MEGF11: variants seen among roughly 807,000 people sequenced by gnomAD.
MEGF11 encodes multiple EGF like domains 11.
MEGF11 carries 126 observed loss-of-function variants against 146.6 expected under a neutral mutation model. The observed-to-expected ratio is 0.86, with a 90% CI of 0.74 to 1.00. MEGF11 has a LOEUF of 1.00. Ranked by LOEUF, MEGF11 falls within the 50% of genes least tolerant of loss-of-function variation. The probability of loss-of-function intolerance (pLI) is 0.00; values close to 1 mark genes in which losing one functional copy is unlikely to be tolerated. For synonymous variants in MEGF11, 532 were observed against 583.4 expected, an observed-to-expected ratio of 0.91 and a Z score of 1.27; for missense variants, 1,509 against 1,521.2, an observed-to-expected ratio of 0.99 and a Z score of 0.13.
At chr15:65,965,784 A>C (rs142637091) in intron 8 of MEGF11, among the ~76,000 whole-genome samples, 18 of 151,488 alleles carry the variant, frequency 1.2e-4, no homozygotes, top group African/African-American at 4.4e-4. Context: ...ATTGTTTATA[A>C]ATTACTCAGT....
chr15:65,950,270 G>A (rs982487252), intron 10 of MEGF11, among the ~76,000 whole-genome samples: 2 of 152,196 alleles, frequency 1.3e-5, no homozygotes, highest in African/African-American at 4.8e-5. Flanking sequence ...ACAAGGCTAT[G>A]TTATTATTCC....
rs371093015 is a variant in MEGF11, at chr15:66,032,414, G to A, written c.395-49926C>T. On this transcript the variant is annotated intron_variant, in intron 5 of 25. Transcript: ENST00000395614. ...GGGTAGAAGCAGGAACAGTTCTGAA[G>A]TGAATGCTGGAAAAAGTCTGCATTG... Among the ~76,000 whole-genome samples, 20 of 152,372 alleles carry A rather than the reference G, an allele frequency of 1.3e-4. No homozygotes were observed. The East Asian group carries it at 3.5e-3, about 26-fold the overall frequency.
At chr15:65,950,039 C>T (rs1444969790) in intron 10 of MEGF11, among the ~76,000 whole-genome samples, 2 of 152,134 alleles carry the variant, frequency 1.3e-5, no homozygotes, top group Admixed American at 6.5e-5. Context: ...TTCTCTCACC[C>T]CCATTTCCAC....
chr15:66,060,529 C>T (rs1301557712), intron 5 of MEGF11, among the ~76,000 whole-genome samples: 1 of 152,244 alleles, frequency 6.6e-6, no homozygotes, highest in Non-Finnish European at 1.5e-5. Context: ...TCTGCAGTAC[C>T]TGTTGGAACT....
chr15:66,044,850 CAAAAAAAAAAAAAAA>C (rs140901440), intron 5 of MEGF11, among the ~76,000 whole-genome samples: 7 of 90,714 alleles, frequency 7.7e-5, no homozygotes, highest in African/African-American at 3.0e-4. Flanking sequence ...GACCTTATCT[CAAAAAAAAAAAAAAA>C]AAAAAAAAAA....
chr15:66,031,492 T>C (rs1443044294), intron 5 of MEGF11, among the ~76,000 whole-genome samples: 1 of 152,152 alleles, frequency 6.6e-6, no homozygotes, highest in Non-Finnish European at 1.5e-5. Context: ...CAGCACCAGA[T>C]CAGAGGTGGA....
intron 1 of MEGF11, among the ~76,000 whole-genome samples, chr15:66,199,552 C>T (rs1236007243): frequency 6.6e-6 from 1 of 152,172 alleles, no homozygotes; most frequent in Non-Finnish European, 1.5e-5. Flanking sequence ...GTTCCTGGGC[C>T]CACAGCCAAG....
intron 2 of MEGF11, among the ~76,000 whole-genome samples, chr15:66,127,907 G>T (rs2088448659): frequency 6.6e-6 from 1 of 152,194 alleles, no homozygotes; most frequent in South Asian, 2.1e-4. Context: ...GGGGCTGCCA[G>T]TCCTGGGAGA....
chr15:66,106,197 G>A (rs1001244090), intron 4 of MEGF11, among the ~76,000 whole-genome samples: 2 of 152,242 alleles, frequency 1.3e-5, no homozygotes, highest in Non-Finnish European at 2.9e-5. Context: ...CAATGATGGG[G>A]AAGGTGACTC....
intron 10 of MEGF11, among the ~76,000 whole-genome samples, chr15:65,949,619 C>T (rs1442180053): frequency 6.6e-6 from 1 of 152,234 alleles, no homozygotes; most frequent in Non-Finnish European, 1.5e-5. Context: ...CCGTCTCCAT[C>T]ACAGTGGAGC....
chr15:66,189,893 G>A (rs1001557432), intron 1 of MEGF11, among the ~76,000 whole-genome samples: 1 of 152,142 alleles, frequency 6.6e-6, no homozygotes, highest in Non-Finnish European at 1.5e-5. Flanking sequence ...GAAATGACAG[G>A]ATCACTTGAG....
intron 21 of MEGF11, 152 bp from the exon 22 acceptor site, chr15:65,909,958 C>CA (rs1459881571): frequency 1.4e-6 from 1 of 714,042 alleles, no homozygotes; most frequent in Non-Finnish European, 2.5e-6. Context: ...CTAGGTGTTC[C>CA]ATGACAGGCC....
intron 2 of MEGF11, among the ~76,000 whole-genome samples, chr15:66,126,350 C>G (rs976066025): frequency 2.6e-5 from 4 of 152,206 alleles, no homozygotes; most frequent in African/African-American, 9.7e-5. Context: ...CCGGAGAAGC[C>G]CAGAGAGTCC....
chr15:65,913,290 C>A (rs1042798250), intron 20 of MEGF11, among the ~76,000 whole-genome samples: 1 of 152,166 alleles, frequency 6.6e-6, no homozygotes, highest in African/African-American at 2.4e-5. Flanking sequence ...ACCCTCCTAA[C>A]TGGGAACTGG....
chr15:66,114,552 A>C (rs984082655), intron 4 of MEGF11, among the ~76,000 whole-genome samples: 1 of 152,224 alleles, frequency 6.6e-6, no homozygotes. Flanking sequence ...ACTCTACTAC[A>C]TATGTGAAAG....
At chr15:66,016,036 C>T (rs1013602707) in intron 5 of MEGF11, among the ~76,000 whole-genome samples, 7 of 151,972 alleles carry the variant, frequency 4.6e-5, no homozygotes, top group Non-Finnish European at 1.0e-4. Context: ...GACCCTTCCA[C>T]ATTCCTAGGT....
At chr15:66,171,565 T>G (rs1413744847) in intron 1 of MEGF11, among the ~76,000 whole-genome samples, 1 of 152,036 alleles carries the variant, frequency 6.6e-6, no homozygotes, top group Non-Finnish European at 1.5e-5. Flanking sequence ...GCATTCTGGG[T>G]CACCCTGTGC....
intron 23 of MEGF11, 150 bp from the exon 24 acceptor site, chr15:65,906,291 G>A: frequency 1.6e-6 from 1 of 619,714 alleles, no homozygotes; most frequent in Non-Finnish European, 2.8e-6. Flanking sequence ...GATTCTGGGG[G>A]TTTAATCTAC....
chr15:66,229,498 T>C (rs1458161986), intron 1 of MEGF11, among the ~76,000 whole-genome samples: 2 of 152,216 alleles, frequency 1.3e-5, no homozygotes, highest in Non-Finnish European at 2.9e-5. Context: ...TTGGCTTACA[T>C]GTTTTCAAAG....
Sources: gnomAD v4.1 joint callset for allele counts (sites outside exome capture counted in the v4.1 genomes callset) on GRCh38, gnomAD v4.1.1 for gene constraint, MANE v1.5 for transcripts, NCBI Gene and HGNC (gene_info 2026-07-23, HGNC 2026-07-21) for gene names.